PTN: variants seen among roughly 807,000 people sequenced by gnomAD.
The protein encoded by PTN is heparin affin regulatory protein.
PTN carries 18 observed loss-of-function variants against 24.1 expected under a neutral mutation model. The ratio of observed to expected loss-of-function variants is 0.75; its 90% CI spans 0.52 to 1.11. The LOEUF is 1.11. Among genes scored for constraint, PTN ranks in the 50% least tolerant of loss-of-function variants. The probability of loss-of-function intolerance (pLI) is 0.00; values close to 1 mark genes in which losing one functional copy is unlikely to be tolerated. For synonymous variants in PTN, 78 were observed against 68.6 expected (o/e 1.14, Z -0.67); for missense variants, 163 against 198.8 (o/e 0.82, Z 1.08).
intron 4 of PTN, among the ~76,000 whole-genome samples, chr7:137,230,661 A>C (rs1451528): frequency 0.55 from 83,033 of 151,630 alleles, 24,778 homozygotes; most frequent in African/African-American, 0.79. Flanking sequence ...ATTCAACTGA[A>C]AGACTAAATG....
chr7:137,290,246 C>T (rs1185459703), intron 1 of PTN, among the ~76,000 whole-genome samples: 2 of 152,094 alleles, frequency 1.3e-5, no homozygotes, highest in East Asian at 3.9e-4. Flanking sequence ...AGGTCCCTCC[C>T]GCAACATGTG....
intron 1 of PTN, among the ~76,000 whole-genome samples, chr7:137,297,994 T>C (rs1405525870): frequency 2.0e-5 from 3 of 152,018 alleles, no homozygotes; most frequent in Non-Finnish European, 4.4e-5. Flanking sequence ...ACTCTTATTG[T>C]TCACGTGTCA....
At chr7:137,250,887 C>G (rs537296478) in intron 4 of PTN, among the ~76,000 whole-genome samples, 7 of 152,174 alleles carry the variant, frequency 4.6e-5, no homozygotes, top group African/African-American at 1.4e-4. Context: ...CCGTCATAAA[C>G]ATTCTGAGTT....
rs1468581129 is a variant in PTN at position 137,329,102 on chromosome 7, C to T, written c.-2+14337G>A. On this transcript the variant is annotated intron_variant, in intron 1 of 4. Coordinates refer to ENST00000348225, the MANE Select transcript of PTN (RefSeq NM_002825.7). ...GACAAGTTACTTCTGAGATACATTT[C>T]CCTCATTTAGGAAGAAAAATAGTCT... 2.0e-5 allele frequency among the ~76,000 whole-genome samples: 3 copies of T among 152,106 alleles called. No individual in the cohort carries two copies. The South Asian group carries it at 6.2e-4, about 32-fold the overall frequency.
At chr7:137,284,120 A>G (rs1404385638) in intron 1 of PTN, among the ~76,000 whole-genome samples, 1 of 151,170 alleles carries the variant, frequency 6.6e-6, no homozygotes, top group Non-Finnish European at 1.5e-5. Context: ...GAAGCCCGCC[A>G]CCACTCCCGG....
intron 1 of PTN, among the ~76,000 whole-genome samples, chr7:137,303,508 GATATAAAAAAATTCATAAATTTTTTTCT>G (rs1809838144): frequency 1.3e-5 from 2 of 151,780 alleles, no homozygotes; most frequent in African/African-American, 4.8e-5. Context: ...AAATGCTTAA[GATATAAAAAAATTCATAAATTTTTTTCT>G]GTTCATCATT....
intron 4 of PTN, among the ~76,000 whole-genome samples, chr7:137,228,657 T>C (rs904401402): frequency 7.2e-5 from 11 of 151,836 alleles, no homozygotes; most frequent in African/African-American, 2.7e-4. Context: ...CTCTGGAGCT[T>C]TGCCTACAGG....
At chr7:137,279,010 C>A (rs1178940329) in intron 1 of PTN, among the ~76,000 whole-genome samples, 2 of 149,596 alleles carry the variant, frequency 1.3e-5, no homozygotes, top group African/African-American at 4.9e-5. Flanking sequence ...AATCCAGAAT[C>A]ATAATCTGAA....
chr7:137,278,857 C>G (rs543681347), intron 1 of PTN, among the ~76,000 whole-genome samples: 3 of 151,464 alleles, frequency 2.0e-5, no homozygotes, highest in Non-Finnish European at 4.4e-5. Flanking sequence ...AGGAGAATTG[C>G]GTGAACCCGG....
chr7:137,227,784 T>C lies in PTN; in HGVS notation c.*236A>G, dbSNP rs187293914. 1 of 354,350 alleles carries C rather than the reference T, an allele frequency of 2.8e-6. No individual in the cohort carries two copies. Among genetic ancestry groups the C allele is most frequent in the East Asian group, 4.2e-5 (1 of 23,658 alleles). The allele number at this position is 354,350 out of a possible 1,614,324, so 22.0% of individuals were successfully genotyped here. A position where few individuals can be genotyped will look rare whatever the true frequency, so the allele number is the denominator to read the frequency against. On this transcript the variant is annotated 3_prime_UTR_variant, in exon 5 of 5. Transcript: ENST00000348225. ...TACCTCAATTGTCTATCATTTATCA[T>C]GTACTATAAGTCAACTTCCTAAATA...
intron 1 of PTN, chr7:137,319,002 G>A (rs1284668085): frequency 6.6e-6 from 1 of 152,032 alleles, no homozygotes; most frequent in Non-Finnish European, 1.5e-5. Context: ...TTACTGTAGG[G>A]ATACTTTTTT....
At chr7:137,236,086 T>C in intron 4 of PTN, 4 of 685,492 alleles carry the variant, frequency 5.8e-6, no homozygotes, top group Non-Finnish European at 1.1e-5. Flanking sequence ...TCATCAACCA[T>C]GCAGAACAAA....
chr7:137,317,050 T>C (rs1425529208), intron 1 of PTN, among the ~76,000 whole-genome samples: 1 of 152,204 alleles, frequency 6.6e-6, no homozygotes, highest in Non-Finnish European at 1.5e-5. Flanking sequence ...CCCTACTCTC[T>C]CATTTCCACA....
chr7:137,278,912 G>A (rs1245933756), intron 1 of PTN, among the ~76,000 whole-genome samples: 2 of 149,766 alleles, frequency 1.3e-5, no homozygotes, highest in African/African-American at 4.9e-5. Context: ...TTGCACTCCA[G>A]CCTGGGTGAC....
At chr7:137,268,981 T>A (rs1403242743) in intron 1 of PTN, among the ~76,000 whole-genome samples, 1 of 152,190 alleles carries the variant, frequency 6.6e-6, no homozygotes, top group Non-Finnish European at 1.5e-5. Context: ...TTACAAAGAT[T>A]TTTGTTGTTC....
In PTN at chr7:137,343,674, G is replaced by A. The variant is rs1156643713; in HGVS notation, c.-237C>T. 3 of 512,610 alleles carry A rather than the reference G, an allele frequency of 5.9e-6. 1 individual carries two copies. The highest frequency in any genetic ancestry group is 5.8e-5 in the African/African-American group (3 of 51,776). 31.8% of individuals were successfully genotyped at this position (512,610 alleles called of 1,614,324 possible). A position where few individuals can be genotyped will look rare whatever the true frequency, so the allele number is the denominator to read the frequency against. ...TTTTGGACTGGAAGGCGGGGAACCT[G>A]ATCCTGCCTTTGACTCAATTACGCC... On this transcript the variant is annotated 5_prime_UTR_variant, in exon 1 of 5. Transcript: ENST00000348225.
At chr7:137,301,484 T>C (rs1437297404) in intron 1 of PTN, among the ~76,000 whole-genome samples, 1 of 151,894 alleles carries the variant, frequency 6.6e-6, no homozygotes, top group Non-Finnish European at 1.5e-5. Context: ...ATGAGCTATA[T>C]TGGTCAATTC....
At chr7:137,250,355 T>C (rs1257593365) in intron 4 of PTN, among the ~76,000 whole-genome samples, 2 of 152,222 alleles carry the variant, frequency 1.3e-5, no homozygotes, top group African/African-American at 4.8e-5. Context: ...TCTCCCTCTG[T>C]CTTCACACAG....
intron 4 of PTN, among the ~76,000 whole-genome samples, chr7:137,235,992 T>A (rs896063955): frequency 1.3e-5 from 2 of 152,114 alleles, no homozygotes; most frequent in Non-Finnish European, 2.9e-5. Context: ...TTTAACTGCA[T>A]CTCCTAAAAA....
Sources: gnomAD v4.1 joint callset for allele counts (sites outside exome capture counted in the v4.1 genomes callset) on GRCh38, gnomAD v4.1.1 for gene constraint, MANE v1.5 for transcripts, NCBI Gene and HGNC (gene_info 2026-07-23, HGNC 2026-07-21) for gene names.